The following NRXN1 variants were observed in gnomAD, a reference collection of about 807,000 sequenced individuals.
The protein encoded by NRXN1 is neurexin 1.
A neutral mutation model predicts 150.9 loss-of-function variants in NRXN1; 39 were observed. That is an observed-to-expected ratio of 0.26 (90% CI 0.20 to 0.34). The LOEUF is 0.34. Ranked by LOEUF, NRXN1 falls within the 10% of genes least tolerant of loss-of-function variation. The pLI, the probability that NRXN1 is intolerant of heterozygous loss-of-function variation, is 1.00. For missense variants in NRXN1, 1,815 were observed against 1,949.9 expected (o/e 0.93, Z 1.30); for synonymous variants, 924 against 757.0 (o/e 1.22, Z -3.62).
chr2:49,977,934 C>T (rs746101521), intron 21 of NRXN1, among the ~76,000 whole-genome samples: 7 of 152,000 alleles, frequency 4.6e-5, no homozygotes, highest in Admixed American at 1.3e-4. Flanking sequence ...GATGCTGAGT[C>T]GAGTGGATCA....
chr2:50,749,030 C>A (rs1700298809), intron 5 of NRXN1, among the ~76,000 whole-genome samples: 1 of 152,100 alleles, frequency 6.6e-6, no homozygotes, highest in South Asian at 2.1e-4. Context: ...AAGCACTGGT[C>A]TAAGAATATC....
chr2:50,130,996 T>A (rs952039476), intron 18 of NRXN1, among the ~76,000 whole-genome samples: 2 of 152,212 alleles, frequency 1.3e-5, no homozygotes, highest in African/African-American at 4.8e-5. Flanking sequence ...CTTAAGTATA[T>A]CTTTATTGGT....
intron 8 of NRXN1, among the ~76,000 whole-genome samples, chr2:50,580,575 G>T (rs1672111653): frequency 6.6e-6 from 1 of 152,176 alleles, no homozygotes; most frequent in South Asian, 2.1e-4. Flanking sequence ...TCCAAAAGAT[G>T]CTGGAACAGA....
rs546240572 is a variant in NRXN1, at chr2:50,185,644, C to T, written c.3546+51145G>A. The T allele has an allele frequency of 7.2e-5, 11 of 152,144 alleles. No individual in the cohort carries two copies. The East Asian group carries it at 2.1e-3, about 29-fold the overall frequency. 9.4% of individuals were successfully genotyped at this position (152,144 alleles called of 1,614,324 possible). ...GAAGATCTGGATGCAGTGAAAGACT[C>T]AAAGGCCTAAATGATGGTGGAGTCA... On this transcript the variant is annotated intron_variant, in intron 18 of 22. Coordinates refer to ENST00000401669, the MANE Select transcript of NRXN1 (RefSeq NM_001330078.2).
chr2:50,330,247 C>T (rs1482821826), intron 17 of NRXN1, among the ~76,000 whole-genome samples: 2 of 152,020 alleles, frequency 1.3e-5, no homozygotes, highest in East Asian at 3.9e-4. Context: ...TAGTGATTTT[C>T]TTTAGATACG....
intron 5 of NRXN1, among the ~76,000 whole-genome samples, chr2:50,763,211 T>C (rs1453857808): frequency 1.3e-5 from 2 of 152,010 alleles, no homozygotes; most frequent in East Asian, 3.9e-4. Context: ...ATGGTGTTAC[T>C]ATTAATTAGT....
chr2:50,307,640 G>A (rs75641790), intron 17 of NRXN1, among the ~76,000 whole-genome samples: 2,150 of 152,182 alleles, frequency 0.014, 44 homozygotes, highest in African/African-American at 0.049. Flanking sequence ...TTAGTGATCA[G>A]GTCGAATACA....
At chr2:50,504,809 C>A (rs2092137056) in intron 13 of NRXN1, among the ~76,000 whole-genome samples, 1 of 152,168 alleles carries the variant, frequency 6.6e-6, no homozygotes, top group African/African-American at 2.4e-5. Flanking sequence ...CCTCAAAAGG[C>A]CATTCTAGCA....
At chr2:50,286,219 T>G (rs2072146846) in intron 17 of NRXN1, among the ~76,000 whole-genome samples, 1 of 152,144 alleles carries the variant, frequency 6.6e-6, no homozygotes, top group African/African-American at 2.4e-5. Flanking sequence ...ACAATAGATC[T>G]CTTGAACTTA....
intron 5 of NRXN1, among the ~76,000 whole-genome samples, chr2:50,916,168 C>G (rs1348365297): frequency 1.3e-5 from 2 of 150,310 alleles, no homozygotes; most frequent in Non-Finnish European, 3.0e-5. Context: ...TCTTTGAAGT[C>G]TCCTTAAGGT....
intron 2 of NRXN1, among the ~76,000 whole-genome samples, chr2:50,933,652 T>C (rs971855979): frequency 2.0e-5 from 3 of 152,140 alleles, no homozygotes; most frequent in Non-Finnish European, 4.4e-5. Context: ...ATATTGGTCA[T>C]GTGGAAGAGA....
chr2:50,346,371 C>T lies in NRXN1; in HGVS notation c.3365-109401G>A, dbSNP rs564286565. Among the ~76,000 whole-genome samples the T allele has an allele frequency of 2.6e-5, 4 of 152,266 alleles. No individual in the cohort carries two copies. In the South Asian group the frequency reaches 8.3e-4, roughly 32 times the overall value. ...GCGCCCCATCCGGCCACTGAGTGAC[C>T]TTCTGGCAACTGACGCCCCCTTCCC... is the stretch of plus-strand genomic sequence containing the variant. On this transcript the variant is annotated intron_variant, in intron 17 of 22. Coordinates refer to ENST00000401669, the MANE Select transcript of NRXN1 (RefSeq NM_001330078.2). The surrounding 1 kb of genome is among the most constrained non-coding windows in gnomAD (Gnocchi z 5.0).
At chr2:51,009,985 C>T (rs1466995369) in intron 2 of NRXN1, among the ~76,000 whole-genome samples, 1 of 151,854 alleles carries the variant, frequency 6.6e-6, no homozygotes, top group Non-Finnish European at 1.5e-5. Context: ...CTCTCTTTTA[C>T]AGTGTGTGTT....
chr2:50,472,751 C>G (rs2089628209), intron 15 of NRXN1, among the ~76,000 whole-genome samples: 1 of 150,572 alleles, frequency 6.6e-6, no homozygotes, highest in Non-Finnish European at 1.5e-5. Flanking sequence ...GATGCATACC[C>G]TTGCGTGGAA....
chr2:50,460,226 T>C (rs527817970), intron 17 of NRXN1, among the ~76,000 whole-genome samples: 1 of 152,044 alleles, frequency 6.6e-6, no homozygotes, highest in African/African-American at 2.4e-5. Context: ...TTGAGCCAAA[T>C]TAAGGTCTAC....
At chr2:50,990,717 A>T (rs1698418175) in intron 2 of NRXN1, among the ~76,000 whole-genome samples, 1 of 151,628 alleles carries the variant, frequency 6.6e-6, no homozygotes, top group Non-Finnish European at 1.5e-5. Flanking sequence ...TGTTCTCCCA[A>T]CTCAACAAGA....
intron 18 of NRXN1, among the ~76,000 whole-genome samples, chr2:50,232,387 CT>C (rs56846249): frequency 0.27 from 14,608 of 55,030 alleles, 643 homozygotes; most frequent in African/African-American, 0.34. Flanking sequence ...CTTTTCTTTT[CT>C]TTTTTTTTTT....
intron 17 of NRXN1, among the ~76,000 whole-genome samples, chr2:50,406,299 A>G (rs1386336132): frequency 2.0e-5 from 3 of 152,160 alleles, no homozygotes; most frequent in South Asian, 2.1e-4. Flanking sequence ...CTAATAAATA[A>G]AGGGGAAAAA....
chr2:50,856,527 G>A (rs1675295661), intron 5 of NRXN1, among the ~76,000 whole-genome samples: 1 of 151,992 alleles, frequency 6.6e-6, no homozygotes, highest in African/African-American at 2.4e-5. Context: ...CTGAGATAAG[G>A]AATAATGTAT....
Sources: allele counts gnomAD v4.1 joint callset (sites outside exome capture counted in the v4.1 genomes callset), GRCh38; gene constraint gnomAD v4.1.1; non-coding constraint Gnocchi (gnomAD v3.1); transcripts MANE v1.5; gene names NCBI Gene and HGNC (gene_info 2026-07-23, HGNC 2026-07-21).